The following COG4 variants were observed in gnomAD, a reference collection of about 807,000 sequenced individuals.
The protein encoded by COG4 is component of oligomeric golgi complex 4, also known as conserved oligomeric Golgi complex subunit 4.
Under a neutral mutation model 95.1 loss-of-function variants are expected in COG4, and 65 were observed. The observed-to-expected ratio is 0.68, with a 90% CI of 0.56 to 0.84. The LOEUF (loss-of-function observed/expected upper bound fraction) is 0.84, where lower values mean the gene tolerates loss of function less well. COG4 is among the 40% of genes least tolerant of loss of function. The pLI is 0.00. For synonymous variants in COG4, 421 were observed against 374.8 expected (o/e 1.12, Z -1.42); for missense variants, 1,045 against 989.1 (o/e 1.06, Z -0.76).
chr16:70,497,918 G>C lies in COG4; in HGVS notation c.1314+19C>G. 1.4e-6 allele frequency: 2 copies of C among 1,407,376 alleles called. No individual in the cohort carries two copies. Among genetic ancestry groups the C allele is most frequent in the Non-Finnish European group, 2.0e-6 (2 of 991,542 alleles). The allele number at this position is 1,407,376 out of a possible 1,614,324, so 87.2% of individuals were successfully genotyped here. A position where few individuals can be genotyped will look rare whatever the true frequency, so the allele number is the denominator to read the frequency against. ...TGGACCGGAAGCCCCATTTCCAAGA[G>C]ATGCGTCCTATGTCCTACCTTATTG... On this transcript the variant is annotated intron_variant, in intron 10 of 18. Coordinates refer to ENST00000323786, the MANE Select transcript of COG4 (RefSeq NM_015386.3).
intron 12 of COG4, among the ~76,000 whole-genome samples, chr16:70,494,842 C>T (rs2151747709): frequency 6.6e-6 from 1 of 152,318 alleles, no homozygotes; most frequent in African/African-American, 2.4e-5. Context: ...ACAACTTTCA[C>T]AGGCAACAGT....
intron 3 of COG4, 84 bp downstream of exon 3, chr16:70,517,542 T>C (rs1438270553): frequency 2.5e-6 from 2 of 801,778 alleles, no homozygotes; most frequent in African/African-American, 3.7e-5. Context: ...GAGCTGTCAT[T>C]GTACCACTGT....
At chr16:70,502,376 C>T (rs948850120) in intron 8 of COG4, among the ~76,000 whole-genome samples, 7 of 150,760 alleles carry the variant, frequency 4.6e-5, no homozygotes, top group Admixed American at 2.7e-4. Flanking sequence ...GGGCGGATCA[C>T]CTGAGGTCGG....
At chr16:70,512,161 G>A in intron 5 of COG4, 78 bp downstream of exon 5, 1 of 1,343,222 alleles carries the variant, frequency 7.4e-7, no homozygotes, top group Non-Finnish European at 1.1e-6. Flanking sequence ...AGTATCCACA[G>A]AAACTGGATC....
intron 1 of COG4, among the ~76,000 whole-genome samples, chr16:70,521,348 G>C (rs1241894521): frequency 6.6e-6 from 1 of 151,844 alleles, no homozygotes; most frequent in Non-Finnish European, 1.5e-5. Context: ...CTCCCAATTA[G>C]CTGGGATTAT....
In COG4 at chr16:70,481,129, C is replaced by G; in HGVS notation, c.2251G>C (p.Asp751His). 1.2e-6 allele frequency: 2 copies of G among 1,613,420 alleles called. No homozygotes were observed. Among genetic ancestry groups the G allele is most frequent in the Non-Finnish European group, 1.7e-6 (2 of 1,179,962 alleles). The change falls in exon 19 of 19, where the codon GAT (aspartate) becomes CAT (histidine). Residue 751 changes from aspartate (D) to histidine (H), a missense_variant. Transcript: ENST00000323786. ...GGGCCGGAATTGGGTCCCCAGTAAT[C>G]GAGGATCTCGGTCACCTGTGGGGAA... ...LNLERVTEILDYWGPNSGPLT... is the reference protein window; with the variant it reads ...LNLERVTEILHYWGPNSGPLT...
intron 1 of COG4, among the ~76,000 whole-genome samples, chr16:70,521,784 C>T (rs1430267230): frequency 6.6e-6 from 1 of 150,496 alleles, no homozygotes; most frequent in Non-Finnish European, 1.5e-5. Flanking sequence ...TCACTGCAAG[C>T]TCCTTCTCCC....
Position 70,509,923 on chromosome 16 carries a change from C to G in COG4, c.837G>C (p.Leu279=), listed in dbSNP as rs373183853. Residue 279 remains leucine, a synonymous_variant, in exon 6 of 19, where the codon CTG becomes CTC. Transcript: ENST00000323786. Reference sequence around the variant, plus strand: ...GCGGAGAAAGAGGCTCACCTTCAAACAGAAGAGTAAGTGTATCTGCAAAGA... The same window carrying G: ...GCGGAGAAAGAGGCTCACCTTCAAAGAGAAGAGTAAGTGTATCTGCAAAGA... ...AVIFADTLTL[L]FEGIARIVET... 1 of 1,613,226 alleles carries G rather than the reference C, an allele frequency of 6.2e-7. No individual in the cohort carries two copies. Among genetic ancestry groups the G allele is most frequent in the East Asian group, 2.2e-5 (1 of 44,868 alleles).
Position 70,481,377 on chromosome 16 carries a change from G to A in COG4, c.2217C>T (p.Thr739=). ...DKFARLSQMA[T]ILNLERVTEI... is the part of the protein sequence containing the mutation. ...CACCTACCCGCTCCAGATTGAGGATGGTGGCCATCTGGGAGAGCCGGGCAA... is the reference window on the plus strand; with the variant it reads ...CACCTACCCGCTCCAGATTGAGGATAGTGGCCATCTGGGAGAGCCGGGCAA... Residue 739 remains threonine, a synonymous_variant, in exon 18 of 19, where the codon ACC becomes ACT. Coordinates refer to ENST00000323786, the MANE Select transcript of COG4 (RefSeq NM_015386.3). The A allele has an allele frequency of 6.2e-7, 1 of 1,613,262 alleles. No homozygotes were observed. The highest frequency in any genetic ancestry group is 8.5e-7 in the Non-Finnish European group (1 of 1,179,984).
At chr16:70,520,475 A>G (rs1015513447) in intron 1 of COG4, among the ~76,000 whole-genome samples, 1 of 150,986 alleles carries the variant, frequency 6.6e-6, no homozygotes, top group Non-Finnish European at 1.5e-5. Context: ...AAAAAACAAA[A>G]AACAAAATTA....
In COG4 at chr16:70,480,899, C is replaced by T. The variant is rs1266469091; in HGVS notation, c.*111G>A. 4 of 1,308,828 alleles carry T rather than the reference C, an allele frequency of 3.1e-6. No individual in the cohort carries two copies. The highest frequency in any genetic ancestry group is 4.4e-6 in the Non-Finnish European group (4 of 919,276). The allele number at this position is 1,308,828 out of a possible 1,614,324, so 81.1% of individuals were successfully genotyped here. On this transcript the variant is annotated 3_prime_UTR_variant, in exon 19 of 19. Coordinates refer to ENST00000323786, the MANE Select transcript of COG4 (RefSeq NM_015386.3). ...TCTCTGCTGCCAGCCGTAGAAAGGT[C>T]TGGGCTGTCAGATCTCCCCCAAGCC...
chr16:70,500,447 C>G (rs1192972441), intron 9 of COG4, among the ~76,000 whole-genome samples: 2 of 144,882 alleles, frequency 1.4e-5, no homozygotes, highest in South Asian at 2.1e-4. Flanking sequence ...TGGCCCTATG[C>G]CCCCCAGGGT....
intron 13 of COG4, among the ~76,000 whole-genome samples, chr16:70,487,753 T>A (rs1334619381): frequency 1.3e-5 from 2 of 152,244 alleles, no homozygotes; most frequent in Non-Finnish European, 2.9e-5. Flanking sequence ...TTTCCAATAG[T>A]TCACAAAGTG....
chr16:70,514,860 G>A (rs1215513020), intron 3 of COG4, among the ~76,000 whole-genome samples: 1 of 150,468 alleles, frequency 6.6e-6, no homozygotes, highest in Admixed American at 6.7e-5. Context: ...TCACAGGCAT[G>A]TGCCACCATG....
At chr16:70,497,682 G>A (rs912199212) in intron 10 of COG4, among the ~76,000 whole-genome samples, 2 of 152,136 alleles carry the variant, frequency 1.3e-5, no homozygotes, top group African/African-American at 2.4e-5. Flanking sequence ...AGGGAGGTAG[G>A]GAACAAGTGG....
chr16:70,502,090 C>A (rs1356236118), intron 8 of COG4, among the ~76,000 whole-genome samples: 1 of 150,402 alleles, frequency 6.6e-6, no homozygotes, highest in Admixed American at 6.6e-5. Context: ...GAGACCATCC[C>A]GGCCAACATG....
Position 70,482,118 on chromosome 16 carries a change from G to C in COG4, c.1978C>G (p.Leu660Val). 1 of 1,613,996 alleles carries C rather than the reference G, an allele frequency of 6.2e-7. No individual in the cohort carries two copies. Among genetic ancestry groups the C allele is most frequent in the Non-Finnish European group, 8.5e-7 (1 of 1,179,926 alleles). The part of the protein sequence containing the change: ...DPWVQQFILN[L>V]EQQMAEFKAS... Reference sequence around the variant, plus strand: ...TTGAACTCTGCCATTTGCTGCTCCAGGTTAAGGATGAACTGTTGTACCCAA... The same window carrying C: ...TTGAACTCTGCCATTTGCTGCTCCACGTTAAGGATGAACTGTTGTACCCAA... The change falls in exon 16 of 19, where the codon CTG (leucine) becomes GTG (valine). Residue 660 changes from leucine (L) to valine (V), a missense_variant. Leu to Val is a conservative substitution (Grantham distance 32, BLOSUM62 1). Coordinates refer to ENST00000323786, the MANE Select transcript of COG4 (RefSeq NM_015386.3).
chr16:70,506,618 C>CAACAAAAAA (rs2049578576), intron 8 of COG4, among the ~76,000 whole-genome samples: 1 of 59,910 alleles, frequency 1.7e-5, no homozygotes, highest in African/African-American at 6.4e-5. Context: ...AAAAAAAAAA[C>CAACAAAAAA]AAAAAAAAAA....
intron 3 of COG4, among the ~76,000 whole-genome samples, chr16:70,515,565 T>C (rs550952579): frequency 6.6e-6 from 1 of 152,152 alleles, no homozygotes; most frequent in South Asian, 2.1e-4. Context: ...ATGCCTGTAA[T>C]CCCAGCTACT....
Sources: allele counts gnomAD v4.1 joint callset (sites outside exome capture counted in the v4.1 genomes callset), GRCh38; gene constraint gnomAD v4.1.1; transcripts MANE v1.5; gene names NCBI Gene and HGNC (gene_info 2026-07-23, HGNC 2026-07-21).